LARGE1: variants seen among roughly 807,000 people sequenced by gnomAD.
LARGE1 encodes xylosyl- and glucuronyltransferase LARGE1.
A neutral mutation model predicts 87.6 loss-of-function variants in LARGE1; 43 were observed. The ratio of observed to expected loss-of-function variants is 0.49; its 90% CI spans 0.38 to 0.63. LARGE1 has a LOEUF of 0.63. Ranked by LOEUF, LARGE1 falls within the 30% of genes least tolerant of loss-of-function variation. The pLI, the probability that LARGE1 is intolerant of heterozygous loss-of-function variation, is 0.00. For missense variants in LARGE1, 802 were observed against 1,000.2 expected (o/e 0.80, Z 2.67); for synonymous variants, 434 against 394.6 (o/e 1.10, Z -1.18).
At chr22:33,890,960 A>G (rs1415404252) in intron 1 of LARGE1, among the ~76,000 whole-genome samples, 1 of 152,150 alleles carries the variant, frequency 6.6e-6, no homozygotes, top group Non-Finnish European at 1.5e-5. Flanking sequence ...TCAGAAAAAC[A>G]AACATTTACA....
chr22:33,274,497 A>G lies in LARGE1; in HGVS notation c.2201T>C (p.Phe734Ser), dbSNP rs1334831492. 1 of 1,614,044 alleles carries G rather than the reference A, an allele frequency of 6.2e-7. No homozygotes were observed. The highest frequency in any genetic ancestry group is 8.5e-7 in the Non-Finnish European group (1 of 1,180,026). ...RICLKTLKEEFQQDMSRRYGF... is the reference protein window; with the variant it reads ...RICLKTLKEESQQDMSRRYGF... ...GTAGCGGCGGGACATGTCCTGCTGA[A>G]ACTCTTCCTTGAGGGTTTTGAGACA... The change falls in exon 15 of 15, where the codon TTT becomes TCT. Residue 734 changes from phenylalanine to serine, a missense_variant. By Grantham distance (155) the Phe-to-Ser change is radical. This residue lies in a region of LARGE1 where 625 missense variants were observed against 841.9 expected (regional missense o/e 0.74). Transcript: ENST00000397394.
At chr22:33,577,217 C>T (rs1225944037) in intron 5 of LARGE1, among the ~76,000 whole-genome samples, 1 of 152,146 alleles carries the variant, frequency 6.6e-6, no homozygotes, top group African/African-American at 2.4e-5. Flanking sequence ...GTATTAAAAT[C>T]TCATGTTAGA....
At chr22:33,252,731 A>G (rs5754499) in intron 11 of LARGE1, among the ~76,000 whole-genome samples, 3,777 of 152,270 alleles carry the variant, frequency 0.025, 54 homozygotes, top group African/African-American at 0.033. Context: ...TCCAAGCAAC[A>G]TTCTTTTGGG....
intron 4 of LARGE1, among the ~76,000 whole-genome samples, chr22:33,624,228 T>C (rs1347751020): frequency 6.6e-6 from 1 of 152,128 alleles, no homozygotes. Context: ...TTATTGAGCA[T>C]GTAATACGTG....
At chr22:33,344,545 T>C (rs921273427) in intron 9 of LARGE1, among the ~76,000 whole-genome samples, 2 of 151,984 alleles carry the variant, frequency 1.3e-5, no homozygotes, top group African/African-American at 4.8e-5. Context: ...ACAGCAGAGG[T>C]AGAAGTAGAG....
chr22:33,810,969 G>A (rs187450740), intron 1 of LARGE1, among the ~76,000 whole-genome samples: 10 of 152,194 alleles, frequency 6.6e-5, no homozygotes, highest in East Asian at 1.9e-4. Flanking sequence ...TGATCTACCC[G>A]CCTCGGCTTC....
At chr22:33,758,344 T>C (rs530648851) in intron 2 of LARGE1, among the ~76,000 whole-genome samples, 5 of 152,342 alleles carry the variant, frequency 3.3e-5, no homozygotes, top group Middle Eastern at 3.4e-3. Flanking sequence ...CTGCCTCATC[T>C]AGATTGTCCT....
intron 1 of LARGE1, among the ~76,000 whole-genome samples, chr22:33,798,447 TA>T (rs2086056805): frequency 6.6e-6 from 1 of 152,170 alleles, no homozygotes. Context: ...ATGTACAAGT[TA>T]AAAAGGAACA....
intron 6 of LARGE1, among the ~76,000 whole-genome samples, chr22:33,537,674 C>G (rs1451816811): frequency 6.6e-6 from 1 of 152,184 alleles, no homozygotes; most frequent in Non-Finnish European, 1.5e-5. Flanking sequence ...TCAAGCAAGT[C>G]TCCTCCCTCA....
At chr22:33,578,398 A>G (rs966760226) in intron 5 of LARGE1, among the ~76,000 whole-genome samples, 2 of 152,216 alleles carry the variant, frequency 1.3e-5, no homozygotes, top group Non-Finnish European at 2.9e-5. Context: ...TCATTTATCT[A>G]AACACTCATT....
chr22:33,495,034 C>G (rs1393207913), intron 6 of LARGE1, among the ~76,000 whole-genome samples: 1 of 152,120 alleles, frequency 6.6e-6, no homozygotes, highest in Non-Finnish European at 1.5e-5. Flanking sequence ...TCCCTCTATT[C>G]TCTCCCTGCA....
chr22:33,664,152 C>G (rs1438827373), intron 2 of LARGE1, among the ~76,000 whole-genome samples: 3 of 152,178 alleles, frequency 2.0e-5, no homozygotes, highest in Non-Finnish European at 4.4e-5. Context: ...CTTCCCAGTG[C>G]CTGGCACAAC....
chr22:33,603,576 G>A (rs1354155894), intron 5 of LARGE1, among the ~76,000 whole-genome samples: 1 of 152,176 alleles, frequency 6.6e-6, no homozygotes, highest in Admixed American at 6.5e-5. Flanking sequence ...CCTGAAGTAC[G>A]AACAGGAGTT....
chr22:33,405,169 T>G (rs1363912291), intron 7 of LARGE1, among the ~76,000 whole-genome samples: 2 of 152,244 alleles, frequency 1.3e-5, no homozygotes, highest in East Asian at 3.8e-4. Flanking sequence ...GCATGATTGC[T>G]ACTGTTCAAA....
chr22:33,816,972 C>T (rs573317122), intron 1 of LARGE1, among the ~76,000 whole-genome samples: 1 of 152,280 alleles, frequency 6.6e-6, no homozygotes, highest in South Asian at 2.1e-4. Flanking sequence ...TCTGCCCCTA[C>T]AGCTAAGACC....
At chr22:33,497,164 C>T (rs2070178026) in intron 6 of LARGE1, among the ~76,000 whole-genome samples, 1 of 151,278 alleles carries the variant, frequency 6.6e-6, no homozygotes, top group South Asian at 2.1e-4. Context: ...CAACCTCTGA[C>T]TCCCTGGTTC....
At chr22:33,178,887 A>G (rs1923016458) in intron 11 of LARGE1, among the ~76,000 whole-genome samples, 2 of 152,208 alleles carry the variant, frequency 1.3e-5, no homozygotes, top group African/African-American at 4.8e-5. Context: ...GCTATACCTG[A>G]GACTGGGTAA....
intron 6 of LARGE1, among the ~76,000 whole-genome samples, chr22:33,553,788 G>A (rs562984366): frequency 4.8e-4 from 73 of 152,164 alleles, no homozygotes; most frequent in Non-Finnish European, 9.1e-4. Context: ...AAATACTTGA[G>A]TTGGGAAAGG....
At chr22:33,784,142 CGTTTT>C (rs1486982825) in intron 1 of LARGE1, among the ~76,000 whole-genome samples, 1 of 152,142 alleles carries the variant, frequency 6.6e-6, no homozygotes, top group African/African-American at 2.4e-5. Flanking sequence ...CTTTTCGTTT[CGTTTT>C]GTTTAACAAC....
Sources: allele counts gnomAD v4.1 joint callset (sites outside exome capture counted in the v4.1 genomes callset), GRCh38; gene constraint gnomAD v4.1.1; regional missense constraint gnomAD v4.1.1; transcripts MANE v1.5; gene names NCBI Gene and HGNC (gene_info 2026-07-23, HGNC 2026-07-21).